Variants in ZEB2 observed in about 807,000 individuals in gnomAD.
The protein encoded by ZEB2 is zinc finger E-box-binding homeobox 2.
A neutral mutation model predicts 99.9 loss-of-function variants in ZEB2; 6 were observed. That is an observed-to-expected ratio of 0.06 (90% CI 0.03 to 0.12). The LOEUF (loss-of-function observed/expected upper bound fraction) is 0.12. Ranked by LOEUF, ZEB2 falls within the 10% of genes least tolerant of loss-of-function variation. ZEB2 has a pLI of 1.00. For missense variants in ZEB2, 969 were observed against 1,502.8 expected, an observed-to-expected ratio of 0.64 and a Z score of 5.87; for synonymous variants, 517 against 542.5, an observed-to-expected ratio of 0.95 and a Z score of 0.65.
In ZEB2 at chr2:144,471,597, T is replaced by A. The variant is rs1428576205; in HGVS notation, c.74-41571A>T. Among the ~76,000 whole-genome samples the A allele has an allele frequency of 2.0e-5, 3 of 151,910 alleles. No homozygotes were observed. The East Asian group carries it at 5.8e-4, about 29-fold the overall frequency. ...ATAAGCTGTTAGAGAAAAGTAATGGTGTGGCTTTCTAAAAAGAAATCCCCT... is the reference window on the plus strand; with the variant it reads ...ATAAGCTGTTAGAGAAAAGTAATGGAGTGGCTTTCTAAAAAGAAATCCCCT... On this transcript the variant is annotated intron_variant, in intron 2 of 9. Transcript: ENST00000627532.
chr2:144,467,739 T>A (rs552664260), intron 2 of ZEB2, among the ~76,000 whole-genome samples: 1 of 152,284 alleles, frequency 6.6e-6, no homozygotes, highest in South Asian at 2.1e-4. Flanking sequence ...CTAAAACCCA[T>A]TTCTTTCATT....
At chr2:144,517,566 G>A (rs1413088493) in intron 1 of ZEB2, 147 bp from the exon 2 acceptor site, 1 of 442,546 alleles carries the variant, frequency 2.3e-6, no homozygotes, top group South Asian at 2.2e-5. Flanking sequence ...CCCCCTCCCC[G>A]CCCCCCACCC....
chr2:144,479,333 C>T (rs1407407282), intron 2 of ZEB2, among the ~76,000 whole-genome samples: 1 of 152,106 alleles, frequency 6.6e-6, no homozygotes, highest in Non-Finnish European at 1.5e-5. Flanking sequence ...TTCTCTTCTA[C>T]CTGAGATACC....
intron 2 of ZEB2, among the ~76,000 whole-genome samples, chr2:144,464,565 G>T (rs981063273): frequency 4.0e-5 from 6 of 151,750 alleles, no homozygotes; most frequent in East Asian, 3.9e-4. Flanking sequence ...AATACTAATG[G>T]TTTTTTTTAA....
At chr2:144,511,625 T>C (rs1238092777) in intron 2 of ZEB2, 10 of 1,286,614 alleles carry the variant, frequency 7.8e-6, no homozygotes, top group African/African-American at 1.5e-5. Flanking sequence ...AGTCATTCAA[T>C]AGATTTTCCA....
intron 2 of ZEB2, among the ~76,000 whole-genome samples, chr2:144,484,270 T>C (rs1477380264): frequency 2.0e-5 from 3 of 151,670 alleles, no homozygotes; most frequent in Admixed American, 6.6e-5. Flanking sequence ...AAATACTGTG[T>C]GGGACAAATC....
rs184975344 is a variant in ZEB2, at chr2:144,511,267, C to T, written c.73+6011G>A. ...TATATGCATAATATGTAGGAGAGAACGGAAAGAAGAGAAAAGCCAAAAGAT... is the reference window on the plus strand; with the variant it reads ...TATATGCATAATATGTAGGAGAGAATGGAAAGAAGAGAAAAGCCAAAAGAT... On this transcript the variant is annotated intron_variant, in intron 2 of 9. Transcript: ENST00000627532. The T allele has an allele frequency of 2.5e-5, 12 of 489,088 alleles. No homozygotes were observed. The Middle Eastern group carries it at 5.1e-3, about 210-fold the overall frequency. 30.3% of individuals were successfully genotyped at this position (489,088 alleles called of 1,614,324 possible). A position where few individuals can be genotyped will look rare whatever the true frequency, so the allele number is the denominator to read the frequency against.
At chr2:144,444,409 T>A (rs538759701) in intron 2 of ZEB2, among the ~76,000 whole-genome samples, 1 of 152,212 alleles carries the variant, frequency 6.6e-6, no homozygotes, top group Non-Finnish European at 1.5e-5. Flanking sequence ...AAAAAAACAG[T>A]GTGAAGCACA....
chr2:144,440,607 C>T (rs940047763), intron 2 of ZEB2, among the ~76,000 whole-genome samples: 1 of 149,316 alleles, frequency 6.7e-6, no homozygotes, highest in Non-Finnish European at 1.5e-5. Flanking sequence ...AATTATTCAT[C>T]CCATTTTTTG....
chr2:144,484,747 A>T (rs1036234526), intron 2 of ZEB2, among the ~76,000 whole-genome samples: 42 of 152,128 alleles, frequency 2.8e-4, no homozygotes, highest in African/African-American at 9.2e-4. Flanking sequence ...GGCTTAGTGG[A>T]ATGCGACTGA....
At position 144,520,030 on chromosome 2, in the gene ZEB2, G is replaced by A. The variant is rs1040568384; in HGVS notation, c.-161C>T. On this transcript the variant is annotated 5_prime_UTR_variant, in exon 1 of 10. Coordinates refer to ENST00000627532, the MANE Select transcript of ZEB2 (RefSeq NM_014795.4). ...GTGTGGGGGAGAAAAAGGTGGAAGC[G>A]AAGAAACAGCTCCCGGAGCAAACTG... 1.5e-5 allele frequency: 7 copies of A among 454,390 alleles called. No homozygotes were observed. Among genetic ancestry groups the A allele is most frequent in the Non-Finnish European group, 2.6e-5 (6 of 226,786 alleles). 28.1% of individuals were successfully genotyped at this position (454,390 alleles called of 1,614,324 possible).
chr2:144,515,023 A>G (rs563141502), intron 2 of ZEB2, among the ~76,000 whole-genome samples: 1 of 152,184 alleles, frequency 6.6e-6, no homozygotes, highest in South Asian at 2.1e-4. Context: ...GGATCCCTCT[A>G]TTTCCTTAGA....
At chr2:144,398,246 A>G (rs1457593035) in intron 8 of ZEB2, 55 bp downstream of exon 8, 1 of 1,606,618 alleles carries the variant, frequency 6.2e-7, no homozygotes, top group Non-Finnish European at 8.5e-7. Flanking sequence ...CATGCACATA[A>G]TCAAAATAAT....
chr2:144,440,503 ATATATATATATATTTTTTTTTTTTT>A (rs1243804545), intron 2 of ZEB2, among the ~76,000 whole-genome samples: 3,776 of 39,058 alleles, frequency 0.097, 87 homozygotes, highest in African/African-American at 0.16. Context: ...ATATATATAT[ATATATATATATATTTTTTTTTTTTT>A]TTTTTTTTTT....
chr2:144,452,109 C>T (rs1704062434), intron 2 of ZEB2, among the ~76,000 whole-genome samples: 1 of 152,128 alleles, frequency 6.6e-6, no homozygotes, highest in Non-Finnish European at 1.5e-5. Context: ...TGTATCTTTG[C>T]TGACTAAAGC....
rs147145726 is a variant in ZEB2 at position 144,491,819 on chromosome 2, T to C, written c.73+25459A>G. Among the ~76,000 whole-genome samples, 229 of 152,358 alleles carry C rather than the reference T, an allele frequency of 1.5e-3. 3 individuals carry two copies. The highest frequency in any genetic ancestry group is 5.2e-3 in the African/African-American group (215 of 41,582). ...GTGCAAGATTTAAAATGATCTTCAT[T>C]AGAATTTGAAGCTATACTCTAAACT... is the stretch of plus-strand genomic sequence containing the variant. On this transcript the variant is annotated intron_variant, in intron 2 of 9. Coordinates refer to ENST00000627532, the MANE Select transcript of ZEB2 (RefSeq NM_014795.4).
At chr2:144,415,705 T>C (rs2149884895) in intron 4 of ZEB2, among the ~76,000 whole-genome samples, 1 of 152,370 alleles carries the variant, frequency 6.6e-6, no homozygotes, top group African/African-American at 2.4e-5. Context: ...TTTGTTTATT[T>C]ATTCATTAAT....
intron 4 of ZEB2, among the ~76,000 whole-genome samples, chr2:144,421,754 C>A (rs1350594082): frequency 6.6e-6 from 1 of 151,582 alleles, no homozygotes; most frequent in East Asian, 1.9e-4. Flanking sequence ...CAAATACACT[C>A]AGTTGTAAAT....
Position 144,514,063 on chromosome 2 carries a change from T to G in ZEB2, c.73+3215A>C, listed in dbSNP as rs1705090558. The G allele has an allele frequency of 1.5e-5, 8 of 534,186 alleles. No individual in the cohort carries two copies. The South Asian group carries it at 2.2e-4, about 14-fold the overall frequency. The allele number at this position is 534,186 out of a possible 1,614,324, so 33.1% of individuals were successfully genotyped here. The stretch of plus-strand genomic sequence containing the variant: ...CCTTTCCATGTGGGGGAAAGGAGAC[T>G]GACTGCCCGCTATGGGTTAACTTGG... On this transcript the variant is annotated intron_variant, in intron 2 of 9. Coordinates refer to ENST00000627532, the MANE Select transcript of ZEB2 (RefSeq NM_014795.4).
Sources: allele counts gnomAD v4.1 joint callset (sites outside exome capture counted in the v4.1 genomes callset), GRCh38; gene constraint gnomAD v4.1.1; transcripts MANE v1.5; gene names NCBI Gene and HGNC (gene_info 2026-07-23, HGNC 2026-07-21).